DGKB: variants seen among roughly 807,000 people sequenced by gnomAD.
The protein encoded by DGKB is 90 kDa diacylglycerol kinase.
DGKB carries 67 observed loss-of-function variants against 114.3 expected under a neutral mutation model. The ratio of observed to expected loss-of-function variants is 0.59; its 90% confidence interval spans 0.48 to 0.72. The LOEUF is 0.72. Ranked by LOEUF, DGKB falls within the 30% of genes least tolerant of loss-of-function variation. The probability of loss-of-function intolerance (pLI) is 0.00; values close to 1 mark genes in which losing one functional copy is unlikely to be tolerated. For missense variants in DGKB, 907 were observed against 975.2 expected (o/e 0.93, Z 0.93); for synonymous variants, 398 against 323.1 (o/e 1.23, Z -2.49).
Position 14,288,732 on chromosome 7 carries a change from A to G in DGKB, c.2122+49783T>C, listed in dbSNP as rs76990998. Among the ~76,000 whole-genome samples, 879 of 152,222 alleles carry G rather than the reference A, an allele frequency of 5.8e-3. 13 individuals carry two copies. The highest frequency in any genetic ancestry group is 0.02 in the African/African-American group (818 of 41,552). ...TCAGACTCCATGGGCAATTCCCTCA[A>G]TGTTTTCATTGTTTACATGAAAGCA... On this transcript the variant is annotated intron_variant, in intron 23 of 25. Transcript: ENST00000402815.
chr7:14,273,743 A>G (rs1798595521), intron 23 of DGKB, among the ~76,000 whole-genome samples: 1 of 152,204 alleles, frequency 6.6e-6, no homozygotes, highest in Non-Finnish European at 1.5e-5. Context: ...CTAAAACTAT[A>G]CAGACATGAT....
intron 1 of DGKB, among the ~76,000 whole-genome samples, chr7:14,924,732 T>A (rs1158965788): frequency 1.3e-5 from 2 of 152,184 alleles, no homozygotes; most frequent in African/African-American, 4.8e-5. Flanking sequence ...AGCATGATAT[T>A]TTTAAAATTA....
chr7:14,266,853 T>C (rs1694621653), intron 23 of DGKB, among the ~76,000 whole-genome samples: 1 of 152,228 alleles, frequency 6.6e-6, no homozygotes, highest in African/African-American at 2.4e-5. Context: ...ATTTCTTTGA[T>C]ATTAATGATC....
At chr7:14,636,082 T>C (rs1374702465) in intron 13 of DGKB, among the ~76,000 whole-genome samples, 4 of 151,766 alleles carry the variant, frequency 2.6e-5, no homozygotes, top group African/African-American at 9.7e-5. Flanking sequence ...TAAATATCCA[T>C]TGATCTCATG....
chr7:14,205,926 T>C (rs1226003166), intron 23 of DGKB, among the ~76,000 whole-genome samples: 5 of 152,022 alleles, frequency 3.3e-5, no homozygotes, highest in East Asian at 1.9e-4. Context: ...TTATAGAAGA[T>C]AGATCAATTG....
chr7:14,559,862 T>C (rs912221666), intron 20 of DGKB, among the ~76,000 whole-genome samples: 2 of 152,012 alleles, frequency 1.3e-5, no homozygotes, highest in Non-Finnish European at 2.9e-5. Context: ...ATTTCTTTTT[T>C]CTTTTCTTTT....
intron 25 of DGKB, among the ~76,000 whole-genome samples, chr7:14,173,166 T>C (rs1396450545): frequency 6.6e-6 from 1 of 152,242 alleles, no homozygotes; most frequent in Non-Finnish European, 1.5e-5. Context: ...TTGATGGCTT[T>C]ACAGTGACAG....
At position 14,685,313 on chromosome 7, in the gene DGKB, T is replaced by G; in HGVS notation, c.761A>C (p.Lys254Thr). Reference protein sequence around the residue: ...QHVWRLKHFNKPAYCNLCLNM... With the variant: ...QHVWRLKHFNTPAYCNLCLNM... ...CAGGCAAAGGTTGCAATAGGCAGGT[T>G]TGTTAAAGTGCTTCAGTCGCCACAC... Residue 254 changes from lysine to threonine, a missense_variant, in exon 10 of 26, where the codon AAA becomes ACA. By Grantham distance (78) the Lys-to-Thr change is moderately conservative (BLOSUM62 -1). This residue lies in a region of DGKB where 814 missense variants were observed against 856.6 expected (regional missense o/e 0.95). Coordinates refer to ENST00000402815, the MANE Select transcript of DGKB (RefSeq NM_001350709.2). 1 of 1,613,872 alleles carries G rather than the reference T, an allele frequency of 6.2e-7. No homozygotes were observed. Among genetic ancestry groups the G allele is most frequent in the Non-Finnish European group, 8.5e-7 (1 of 1,179,806 alleles).
At chr7:14,702,344 A>C (rs1198065927) in intron 6 of DGKB, among the ~76,000 whole-genome samples, 4 of 152,120 alleles carry the variant, frequency 2.6e-5, no homozygotes, top group African/African-American at 9.7e-5. Flanking sequence ...GCAAAATAAC[A>C]GGTTCTTTCT....
intron 13 of DGKB, among the ~76,000 whole-genome samples, chr7:14,653,429 C>G (rs1049129269): frequency 2.0e-5 from 3 of 151,950 alleles, no homozygotes; most frequent in African/African-American, 7.3e-5. Context: ...ACCGCATATT[C>G]TCACTCATAG....
chr7:14,469,566 C>G (rs781473722), intron 21 of DGKB, among the ~76,000 whole-genome samples: 2 of 151,938 alleles, frequency 1.3e-5, no homozygotes, highest in Non-Finnish European at 2.9e-5. Flanking sequence ...TTTAAACAGC[C>G]TGGATACAGA....
chr7:14,741,647 G>T (rs1438873068), intron 4 of DGKB, among the ~76,000 whole-genome samples: 1 of 152,184 alleles, frequency 6.6e-6, no homozygotes, highest in Non-Finnish European at 1.5e-5. Flanking sequence ...GCTTTCTTTT[G>T]TGAATCTTCC....
intron 20 of DGKB, among the ~76,000 whole-genome samples, chr7:14,572,606 C>T (rs1476003158): frequency 6.6e-6 from 1 of 151,994 alleles, no homozygotes; most frequent in African/African-American, 2.4e-5. Context: ...ACAAAAAATC[C>T]TAAGAGACTT....
chr7:14,697,761 AAAG>A (rs1563943271), intron 8 of DGKB, among the ~76,000 whole-genome samples: 1 of 145,410 alleles, frequency 6.9e-6, no homozygotes, highest in Non-Finnish European at 1.5e-5. Flanking sequence ...AGAAAGAAAG[AAAG>A]AAAGAAACAA....
At chr7:14,211,115 C>A (rs114332333) in intron 23 of DGKB, among the ~76,000 whole-genome samples, 2 of 152,042 alleles carry the variant, frequency 1.3e-5, no homozygotes, top group African/African-American at 4.8e-5. Context: ...TCAAACTGTT[C>A]AAATCTGGCT....
At chr7:14,533,112 C>G (rs1791864593) in intron 20 of DGKB, among the ~76,000 whole-genome samples, 1 of 151,752 alleles carries the variant, frequency 6.6e-6, no homozygotes, top group Admixed American at 6.6e-5. Flanking sequence ...TAAAAGAGAA[C>G]ACAGATAGAC....
At chr7:14,729,658 A>G (rs919198609) in intron 5 of DGKB, among the ~76,000 whole-genome samples, 2 of 151,854 alleles carry the variant, frequency 1.3e-5, no homozygotes, top group African/African-American at 4.8e-5. Flanking sequence ...ACACTGGATG[A>G]CTCCTGCAAC....
rs79532030 is a variant in DGKB, at chr7:14,913,041, G to C, written c.-188+61655C>G. On this transcript the variant is annotated intron_variant, in intron 1 of 4. Transcript: ENST00000437998. ...CTCATAGAAGATGTCATTTCCTTCA[G>C]TTTCATCAAGAAAGGTGGTGCTGGT... is the stretch of plus-strand genomic sequence containing the variant. 1.2e-3 allele frequency among the ~76,000 whole-genome samples: 185 copies of C among 152,102 alleles called. 1 individual carries two copies. Among genetic ancestry groups the C allele is most frequent in the African/African-American group, 4.3e-3 (178 of 41,520 alleles).
intron 17 of DGKB, among the ~76,000 whole-genome samples, chr7:14,602,919 C>T (rs965428571): frequency 6.6e-6 from 1 of 152,142 alleles, no homozygotes; most frequent in African/African-American, 2.4e-5. Context: ...CAGTGACACA[C>T]AGATCTCTAG....
Sources: allele counts gnomAD v4.1 joint callset (sites outside exome capture counted in the v4.1 genomes callset), GRCh38; gene constraint gnomAD v4.1.1; regional missense constraint gnomAD v4.1.1; transcripts MANE v1.5; gene names NCBI Gene and HGNC (gene_info 2026-07-23, HGNC 2026-07-21).